GDAP2: variants seen among roughly 807,000 people sequenced by gnomAD.
GDAP2 encodes ganglioside-induced differentiation-associated protein 2.
A neutral mutation model predicts 67.0 loss-of-function variants in GDAP2; 51 were observed. The observed-to-expected ratio is 0.76, with a 90% CI of 0.61 to 0.96. The LOEUF (loss-of-function observed/expected upper bound fraction) is 0.96, where lower values mean the gene tolerates loss of function less well. GDAP2 is among the 40% of genes least tolerant of loss of function. GDAP2 has a pLI of 0.00. For synonymous variants in GDAP2, 203 were observed against 207.3 expected, an observed-to-expected ratio of 0.98 and a Z score of 0.18; for missense variants, 547 against 588.3, an observed-to-expected ratio of 0.93 and a Z score of 0.73.
intron 8 of GDAP2, among the ~76,000 whole-genome samples, chr1:117,894,702 T>TA (rs1314873988): frequency 1.3e-5 from 2 of 152,224 alleles, no homozygotes; most frequent in Admixed American, 1.3e-4. Context: ...ACACCATTTT[T>TA]ACTTCAAAGA....
At position 117,912,223 on chromosome 1, in the gene GDAP2, G is replaced by A; in HGVS notation, c.471-141C>T. 4 of 639,328 alleles carry A rather than the reference G, an allele frequency of 6.3e-6. No individual in the cohort carries two copies. The Admixed American group carries it at 1.0e-4, about 17-fold the overall frequency. 39.6% of individuals were successfully genotyped at this position (639,328 alleles called of 1,614,324 possible). ...ATCTACTATAATAGCTAACCCAACTGTACCACTCAATAATTCTATTCATAT... is the reference window on the plus strand; with the variant it reads ...ATCTACTATAATAGCTAACCCAACTATACCACTCAATAATTCTATTCATAT... On this transcript the variant is annotated intron_variant, in intron 4 of 13. Coordinates refer to ENST00000369443, the MANE Select transcript of GDAP2 (RefSeq NM_017686.4).
Position 117,868,115 on chromosome 1 carries a change from G to A in GDAP2, c.*2454C>T, listed in dbSNP as rs914498609. The A allele has an allele frequency of 2.6e-5, 4 of 152,178 alleles. No individual in the cohort carries two copies. Among genetic ancestry groups the A allele is most frequent in the Non-Finnish European group, 4.4e-5 (3 of 68,040 alleles). 9.4% of individuals were successfully genotyped at this position (152,178 alleles called of 1,614,324 possible). On this transcript the variant is annotated 3_prime_UTR_variant, in exon 14 of 14. Transcript: ENST00000369443. ...TCTAATATGTCCTTGAAAATGGCAT[G>A]TATTATTCAGGCTAAACCTTTTCAC...
At chr1:117,906,915 G>A (rs1283929071) in intron 5 of GDAP2, among the ~76,000 whole-genome samples, 1 of 152,166 alleles carries the variant, frequency 6.6e-6, no homozygotes, top group African/African-American at 2.4e-5. Context: ...CAAGAACAGT[G>A]ACTGGCCGTA....
At chr1:117,905,065 C>T (rs955360215) in intron 6 of GDAP2, among the ~76,000 whole-genome samples, 1 of 152,174 alleles carries the variant, frequency 6.6e-6, no homozygotes, top group Admixed American at 6.6e-5. Context: ...AACTTATTTA[C>T]TAAATGTTTA....
chr1:117,928,171 A>G (rs1244620724), intron 1 of GDAP2, among the ~76,000 whole-genome samples: 1 of 152,206 alleles, frequency 6.6e-6, no homozygotes, highest in Non-Finnish European at 1.5e-5. Context: ...AACCAGGCAG[A>G]GAAGATAAAG....
rs1207427642 is a variant in GDAP2 at position 117,868,666 on chromosome 1, T to C, written c.*1903A>G. 1.3e-5 allele frequency: 2 copies of C among 152,246 alleles called. No individual in the cohort carries two copies. Among genetic ancestry groups the C allele is most frequent in the South Asian group, 2.1e-4 (1 of 4,822 alleles). 9.4% of individuals were successfully genotyped at this position (152,246 alleles called of 1,614,324 possible). On this transcript the variant is annotated 3_prime_UTR_variant, in exon 14 of 14. Transcript: ENST00000369443. ...TCATAGCTGCTCCTTGTGAAGAAGA[T>C]ACCTCAAATATGATCTCACGATTGA...
intron 7 of GDAP2, among the ~76,000 whole-genome samples, chr1:117,897,537 T>A (rs1649308300): frequency 6.6e-6 from 1 of 152,208 alleles, no homozygotes; most frequent in Admixed American, 6.5e-5. Context: ...CCAACCTAGT[T>A]ATTTTGGTCC....
Position 117,869,460 on chromosome 1 carries a change from A to G in GDAP2, c.*1109T>C, listed in dbSNP as rs1273817309. The G allele has an allele frequency of 2.6e-5, 4 of 152,524 alleles. No individual in the cohort carries two copies. The allele number at this position is 152,524 out of a possible 1,614,324, so 9.4% of individuals were successfully genotyped here. On this transcript the variant is annotated 3_prime_UTR_variant, in exon 14 of 14. Coordinates refer to ENST00000369443, the MANE Select transcript of GDAP2 (RefSeq NM_017686.4). ...TGCTGTGTAGCATTCCCTCATATATATTTATTCCCATTTAAAAACTAACTG... is the reference window on the plus strand; with the variant it reads ...TGCTGTGTAGCATTCCCTCATATATGTTTATTCCCATTTAAAAACTAACTG...
intron 13 of GDAP2, among the ~76,000 whole-genome samples, chr1:117,874,363 C>T (rs1648386654): frequency 6.6e-6 from 1 of 152,122 alleles, no homozygotes; most frequent in South Asian, 2.1e-4. Flanking sequence ...CTCTCTCTTG[C>T]TTTCTCTTTT....
intron 3 of GDAP2, among the ~76,000 whole-genome samples, chr1:117,916,673 T>C (rs990835457): frequency 4.6e-5 from 7 of 152,162 alleles, no homozygotes; most frequent in African/African-American, 2.4e-5. Context: ...ATTTAGGGCA[T>C]GGTGATAGAC....
intron 13 of GDAP2, among the ~76,000 whole-genome samples, chr1:117,872,607 G>A (rs182801882): frequency 3.4e-5 from 5 of 148,386 alleles, no homozygotes; most frequent in East Asian, 2.0e-4. Flanking sequence ...CCCAAACACC[G>A]CATGTTCTCA....
intron 5 of GDAP2, among the ~76,000 whole-genome samples, chr1:117,908,425 A>C (rs1294750843): frequency 6.6e-6 from 1 of 152,194 alleles, no homozygotes; most frequent in Non-Finnish European, 1.5e-5. Context: ...TATTTGTTAA[A>C]GGACTAAACA....
In GDAP2 at chr1:117,868,613, C is replaced by G. The variant is rs545164983; in HGVS notation, c.*1956G>C. 190 of 152,218 alleles carry G rather than the reference C, an allele frequency of 1.2e-3. 1 individual carries two copies. The highest frequency in any genetic ancestry group is 4.5e-3 in the African/African-American group (187 of 41,526). 9.4% of individuals were successfully genotyped at this position (152,218 alleles called of 1,614,324 possible). A position where few individuals can be genotyped will look rare whatever the true frequency, so the allele number is the denominator to read the frequency against. Reference sequence around the variant, plus strand: ...CAGGTTCTTGAGGTAGCCAAGTTCCCCTTTAACAAAGAAAAGTTGGCAGAC... The same window carrying G: ...CAGGTTCTTGAGGTAGCCAAGTTCCGCTTTAACAAAGAAAAGTTGGCAGAC... On this transcript the variant is annotated 3_prime_UTR_variant, in exon 14 of 14. Coordinates refer to ENST00000369443, the MANE Select transcript of GDAP2 (RefSeq NM_017686.4).
At chr1:117,870,858 C>A (rs1363182926) in intron 13 of GDAP2, among the ~76,000 whole-genome samples, 2 of 152,026 alleles carry the variant, frequency 1.3e-5, no homozygotes, top group African/African-American at 2.4e-5. Flanking sequence ...ATTTTATGTG[C>A]CAGACAATTT....
intron 10 of GDAP2, among the ~76,000 whole-genome samples, chr1:117,884,354 T>C (rs951248189): frequency 2.0e-5 from 3 of 152,078 alleles, no homozygotes; most frequent in African/African-American, 4.8e-5. Flanking sequence ...AGATACAATA[T>C]AGGCAGGGCC....
chr1:117,876,980 G>T (rs2101118024), intron 13 of GDAP2, among the ~76,000 whole-genome samples: 1 of 152,116 alleles, frequency 6.6e-6, no homozygotes. Flanking sequence ...AGAGTTCAAA[G>T]GAAAAACACT....
At chr1:117,877,218 G>C in intron 13 of GDAP2, 1 of 853,796 alleles carries the variant, frequency 1.2e-6, no homozygotes, top group Non-Finnish European at 1.4e-6. Flanking sequence ...ATGTTAGAGA[G>C]AAATTGTGTT....
At chr1:117,913,607 A>C (rs1649940166) in intron 3 of GDAP2, 1 of 152,102 alleles carries the variant, frequency 6.6e-6, no homozygotes, top group Non-Finnish European at 1.5e-5. Context: ...CTCCTGGAGG[A>C]TTCCTTTCCA....
chr1:117,891,850 A>G (rs192353483), intron 8 of GDAP2, among the ~76,000 whole-genome samples: 173 of 152,260 alleles, frequency 1.1e-3, no homozygotes, highest in African/African-American at 3.3e-3. Flanking sequence ...AGGTTTCAGA[A>G]TTTTTAAAAA....
Sources: gnomAD v4.1 joint callset for allele counts (sites outside exome capture counted in the v4.1 genomes callset) on GRCh38, gnomAD v4.1.1 for gene constraint, MANE v1.5 for transcripts, NCBI Gene and HGNC (gene_info 2026-07-23, HGNC 2026-07-21) for gene names.